PTPRM: variants seen among roughly 807,000 people sequenced by gnomAD.
The protein encoded by PTPRM is protein tyrosine phosphatase receptor type M.
A neutral mutation model predicts 186.7 loss-of-function variants in PTPRM; 47 were observed. The ratio of observed to expected loss-of-function variants is 0.25; its 90% CI spans 0.20 to 0.32. PTPRM has a LOEUF of 0.32. PTPRM is among the 10% of genes least tolerant of loss of function. PTPRM has a pLI of 1.00. For missense variants in PTPRM, 1,494 were observed against 1,865.0 expected (o/e 0.80, Z 3.66); for synonymous variants, 668 against 674.9 (o/e 0.99, Z 0.16).
At chr18:8,157,404 C>T (rs1008182857) in intron 14 of PTPRM, among the ~76,000 whole-genome samples, 22 of 152,184 alleles carry the variant, frequency 1.4e-4, no homozygotes, top group Non-Finnish European at 2.6e-4. Context: ...GACCAAGGAA[C>T]GGAGCTGTCT....
intron 7 of PTPRM, among the ~76,000 whole-genome samples, chr18:8,036,159 G>A (rs2086315566): frequency 6.6e-6 from 1 of 152,200 alleles, no homozygotes; most frequent in Non-Finnish European, 1.5e-5. Context: ...TCCTCACATG[G>A]CGTCGGGGTA....
intron 2 of PTPRM, among the ~76,000 whole-genome samples, chr18:7,885,086 C>T (rs1038298263): frequency 6.6e-6 from 1 of 151,970 alleles, no homozygotes; most frequent in African/African-American, 2.4e-5. Flanking sequence ...CTCTGAACTC[C>T]ACTCTGGCAC....
rs147287749 is a variant in PTPRM, at chr18:8,336,887, G to T, written c.2957-6536G>T. On this transcript the variant is annotated intron_variant, in intron 22 of 32. Transcript: ENST00000580170. ...AGCTACTCAGAAGGCTGAGCCAGGA[G>T]AATTGCTTGAACCCAGGAGATGGAG... Among the ~76,000 whole-genome samples the T allele has an allele frequency of 2.7e-4, 41 of 152,034 alleles. 1 individual carries two copies. The Middle Eastern group carries it at 0.014, about 50-fold the overall frequency.
chr18:8,070,371 T>G (rs879726782), intron 8 of PTPRM, among the ~76,000 whole-genome samples: 3 of 145,800 alleles, frequency 2.1e-5, no homozygotes, highest in Non-Finnish European at 3.0e-5. Context: ...AATGTTTACC[T>G]AAATATATTT....
intron 19 of PTPRM, among the ~76,000 whole-genome samples, chr18:8,283,466 T>G (rs2094925447): frequency 6.6e-6 from 1 of 152,234 alleles, no homozygotes; most frequent in Non-Finnish European, 1.5e-5. Flanking sequence ...TCTCTTTTCA[T>G]GAGCATAATT....
rs1202261398 is a variant in PTPRM, at chr18:7,888,337, C to A, written c.428C>A (p.Ala143Glu). Residue 143 changes from alanine to glutamate, a missense_variant, in exon 3 of 33, where the codon GCA becomes GAA. By Grantham distance (107) the Ala-to-Glu change is moderately radical. This residue lies in a region of PTPRM where 296 missense variants were observed against 345.5 expected (regional missense o/e 0.86). Transcript: ENST00000580170. ...SGDPTRTWNR[A>E]ELAISTFWPN... ...GACCCAACACGTACATGGAACAGGG[C>A]AGAACTGGCCATTAGTACTTTCTGG... The A allele has an allele frequency of 1.2e-6, 2 of 1,613,892 alleles. No homozygotes were observed. Among genetic ancestry groups the A allele is most frequent in the East Asian group, 2.2e-5 (1 of 44,886 alleles).
intron 13 of PTPRM, among the ~76,000 whole-genome samples, chr18:8,141,589 T>G (rs1943789523): frequency 6.6e-6 from 1 of 152,222 alleles, no homozygotes; most frequent in Non-Finnish European, 1.5e-5. Flanking sequence ...TCACAATGTA[T>G]GCATTACATG....
At chr18:7,653,118 T>TTTATTATTATTATTA (rs150577417) in intron 1 of PTPRM, among the ~76,000 whole-genome samples, 12 of 145,506 alleles carry the variant, frequency 8.2e-5, no homozygotes, top group African/African-American at 2.5e-4. Context: ...CACTATGTAC[T>TTTATTATTATTATTA]TTATTATTAT....
rs777980694 is a variant in PTPRM at position 8,406,129 on chromosome 18, C to T, written c.4365C>T (p.Tyr1455=). 232 of 1,614,014 alleles carry T rather than the reference C, an allele frequency of 1.4e-4. No homozygotes were observed. Among genetic ancestry groups the T allele is most frequent in the Non-Finnish European group, 1.7e-4 (205 of 1,179,998 alleles). ...VDLLDQYKFC[Y]EVALEYLNSG ...TCCAGGATCAGTACAAGTTCTGCTACGAGGTGGCCCTGGAATACTTGAATT... is the reference window on the plus strand; with the variant it reads ...TCCAGGATCAGTACAAGTTCTGCTATGAGGTGGCCCTGGAATACTTGAATT... The change falls in exon 33 of 33, where the codon TAC becomes TAT. Residue 1455 remains tyrosine, a synonymous_variant. Transcript: ENST00000580170.
intron 1 of PTPRM, among the ~76,000 whole-genome samples, chr18:7,751,841 C>T (rs1182661818): frequency 4.7e-5 from 7 of 147,804 alleles, no homozygotes; most frequent in Non-Finnish European, 8.8e-5. Context: ...TGAAAATTTT[C>T]CACATACCTT....
chr18:8,266,823 G>A (rs2094706279), intron 19 of PTPRM, among the ~76,000 whole-genome samples: 1 of 152,006 alleles, frequency 6.6e-6, no homozygotes, highest in African/African-American at 2.4e-5. Context: ...CAGGAGAATT[G>A]CTTGAACCCA....
chr18:7,894,185 C>T (rs936459744), intron 3 of PTPRM, among the ~76,000 whole-genome samples: 5 of 152,178 alleles, frequency 3.3e-5, no homozygotes, highest in Admixed American at 6.5e-5. Flanking sequence ...AGCCCGTCTG[C>T]TTTTGATATG....
chr18:7,720,759 C>T (rs1057076364), intron 1 of PTPRM, among the ~76,000 whole-genome samples: 1 of 152,252 alleles, frequency 6.6e-6, no homozygotes, highest in Admixed American at 6.5e-5. Context: ...GCTTATTTCA[C>T]TTAGGGTAAT....
At chr18:8,303,022 A>G (rs1332969325) in intron 20 of PTPRM, among the ~76,000 whole-genome samples, 2 of 152,104 alleles carry the variant, frequency 1.3e-5, no homozygotes. Flanking sequence ...TCAGTGACCC[A>G]TTTCATGGGT....
At chr18:7,733,618 G>T (rs2040707540) in intron 1 of PTPRM, among the ~76,000 whole-genome samples, 1 of 152,150 alleles carries the variant, frequency 6.6e-6, no homozygotes, top group Admixed American at 6.5e-5. Flanking sequence ...TGATTGCTGG[G>T]TCAAATGGTA....
intron 31 of PTPRM, among the ~76,000 whole-genome samples, chr18:8,388,370 T>C (rs1453522743): frequency 1.3e-5 from 2 of 152,158 alleles, no homozygotes; most frequent in African/African-American, 4.8e-5. Flanking sequence ...CAGACCTGGC[T>C]CAGGGCGTGG....
At chr18:8,319,645 T>C (rs2095333393) in intron 22 of PTPRM, among the ~76,000 whole-genome samples, 1 of 152,162 alleles carries the variant, frequency 6.6e-6, no homozygotes, top group Admixed American at 6.5e-5. Context: ...GTATGTACTT[T>C]AGTAGGTACA....
chr18:8,123,593 A>T (rs1326662638), intron 13 of PTPRM, among the ~76,000 whole-genome samples: 1 of 152,168 alleles, frequency 6.6e-6, no homozygotes, highest in Non-Finnish European at 1.5e-5. Context: ...TTTTAAGAGT[A>T]TTTCTTTTCC....
At chr18:8,098,779 C>T (rs114855257) in intron 11 of PTPRM, among the ~76,000 whole-genome samples, 2,038 of 152,078 alleles carry the variant, frequency 0.013, 42 homozygotes, top group African/African-American at 0.046. Context: ...CCCTCCTTTT[C>T]GCTTTACCTT....
Sources: allele counts gnomAD v4.1 joint callset (sites outside exome capture counted in the v4.1 genomes callset), GRCh38; gene constraint gnomAD v4.1.1; regional missense constraint gnomAD v4.1.1; transcripts MANE v1.5; gene names NCBI Gene and HGNC (gene_info 2026-07-23, HGNC 2026-07-21).